Variants in MYO1F observed in about 807,000 individuals in gnomAD.
MYO1F encodes the protein myosin IF.
Under a neutral mutation model 146.6 loss-of-function variants are expected in MYO1F, and 60 were observed. The observed-to-expected ratio is 0.41, with a 90% CI of 0.33 to 0.51. MYO1F has a LOEUF of 0.51. MYO1F is among the 20% of genes least tolerant of loss of function. MYO1F has a pLI of 0.25. For missense variants in MYO1F, 1,274 were observed against 1,534.3 expected, an observed-to-expected ratio of 0.83 and a Z score of 2.83; for synonymous variants, 602 against 602.1, an observed-to-expected ratio of 1.00 and a Z score of 0.00.
At chr19:8,559,245 A>G (rs190644696) in intron 1 of MYO1F, among the ~76,000 whole-genome samples, 95 of 148,070 alleles carry the variant, frequency 6.4e-4, no homozygotes, top group African/African-American at 2.3e-3. Context: ...GCAGGGCACA[A>G]GCAGAAGTGT....
chr19:8,565,898 G>A (rs2041993301), intron 1 of MYO1F, among the ~76,000 whole-genome samples: 1 of 151,770 alleles, frequency 6.6e-6, no homozygotes, highest in Non-Finnish European at 1.5e-5. Context: ...AGACCAGCCT[G>A]GGCAACATAG....
chr19:8,555,861 G>A (rs1292400026), intron 1 of MYO1F, 65 bp from the exon 2 acceptor site: 15 of 1,503,026 alleles, frequency 1.0e-5, no homozygotes, highest in East Asian at 2.3e-5. Flanking sequence ...GCTCACCGAC[G>A]CTATCAGCTT....
rs975153717 is a variant in MYO1F, at chr19:8,529,913, G to A, written c.2328+283C>T. The A allele has an allele frequency of 5.2e-6, 3 of 579,938 alleles. No individual in the cohort carries two copies. The Admixed American group carries it at 8.4e-5, about 16-fold the overall frequency. 35.9% of individuals were successfully genotyped at this position (579,938 alleles called of 1,614,324 possible). A position where few individuals can be genotyped will look rare whatever the true frequency, so the allele number is the denominator to read the frequency against. The stretch of plus-strand genomic sequence containing the variant: ...GGGCAGGTGTGCCTGGGCTAGGTGA[G>A]GATATACCTGTGATGGAACAGATGG... On this transcript the variant is annotated intron_variant, in intron 21 of 27. Transcript: ENST00000644032.
intron 15 of MYO1F, 71 bp from the exon 16 acceptor site, chr19:8,540,099 G>T: frequency 7.7e-7 from 1 of 1,299,466 alleles, no homozygotes; most frequent in Non-Finnish European, 1.1e-6. Context: ...TCCAGGGGTG[G>T]GGCAGCCTCA....
At chr19:8,527,240 C>G in intron 22 of MYO1F, 98 bp downstream of exon 22, 1 of 1,523,512 alleles carries the variant, frequency 6.6e-7, no homozygotes, top group Non-Finnish European at 9.0e-7. Context: ...GGCATGGCAC[C>G]AGGTAAGATT....
chr19:8,561,396 T>TCCTTCCTTTCTCCTCTCCCTC (rs200512178), intron 1 of MYO1F, among the ~76,000 whole-genome samples: 125 of 107,560 alleles, frequency 1.2e-3, no homozygotes, highest in East Asian at 1.8e-3. Flanking sequence ...CTTCTTTCCT[T>TCCTTCCTTTCTCCTCTCCCTC]CCTTCCTTTC....
intron 1 of MYO1F, chr19:8,576,725 C>T (rs1394501353): frequency 3.1e-5 from 5 of 161,830 alleles, no homozygotes; most frequent in South Asian, 1.5e-4. Flanking sequence ...GCAGCCATAC[C>T]GCCCGTCACC....
intron 19 of MYO1F, among the ~76,000 whole-genome samples, chr19:8,533,349 T>C (rs1428228592): frequency 4.8e-5 from 7 of 145,028 alleles, no homozygotes; most frequent in Non-Finnish European, 7.5e-5. Context: ...CTTCTTCTTC[T>C]TCTTCTTCTT....
chr19:8,545,694 A>C lies in MYO1F; in HGVS notation c.1312T>G (p.Tyr438Asp), dbSNP rs374051040. The C allele has an allele frequency of 1.2e-6, 2 of 1,613,962 alleles. No homozygotes were observed. Among genetic ancestry groups the C allele is most frequent in the Non-Finnish European group, 1.7e-6 (2 of 1,179,990 alleles). ...QEGIRWTPIQ[Y>D]FNNKVVCDLI... ...TCACAGACGACCTTGTTGTTGAAGT[A>C]CTGGATTGGAGTCCAGCGGATGCCT... Residue 438 changes from tyrosine to aspartate, a missense_variant, in exon 13 of 28, where the codon TAC becomes GAC. By Grantham distance (160) the Tyr-to-Asp change is radical. Around this residue, in one of 2 missense-constraint regions of MYO1F, gnomAD observed 900 missense variants for 1,155.1 expected, o/e 0.78. Coordinates refer to ENST00000644032, the MANE Select transcript of MYO1F (RefSeq NM_012335.4).
chr19:8,566,161 C>CTTT (rs781059040), intron 1 of MYO1F, among the ~76,000 whole-genome samples: 129 of 78,352 alleles, frequency 1.6e-3, no homozygotes, highest in Non-Finnish European at 1.8e-3. Context: ...CAGTCTATGT[C>CTTT]TTTTTTTTTT....
chr19:8,522,802 G>T lies in MYO1F; in HGVS notation c.2882C>A (p.Ser961Tyr). 1 of 1,589,064 alleles carries T rather than the reference G, an allele frequency of 6.3e-7. No individual in the cohort carries two copies. ...CAGGGGCAGGGGGCCCCCTCTGGCA[G>T]AGGGGGGCACCCCATTGCGATCCAT... ...RGMDRNGVPP[S>Y]ARGGPLPLEI... The change falls in exon 26 of 28, where the codon TCT becomes TAT. Residue 961 changes from serine (S) to tyrosine (Y), a missense_variant. Ser to Tyr is a moderately radical substitution (Grantham distance 144). Around this residue, in one of 2 missense-constraint regions of MYO1F, gnomAD observed 374 missense variants for 379.2 expected, o/e 0.99. Coordinates refer to ENST00000644032, the MANE Select transcript of MYO1F (RefSeq NM_012335.4).
chr19:8,526,972 A>C, intron 22 of MYO1F, 37 bp from the exon 23 acceptor site: 1 of 1,610,756 alleles, frequency 6.2e-7, no homozygotes, highest in Non-Finnish European at 8.5e-7. Flanking sequence ...GGTGGGACAC[A>C]GGTGAGGGCG....
In MYO1F at chr19:8,574,633, CTTT is replaced by C. The variant is rs2042193605; in HGVS notation, c.3+2671_3+2673del. Reference sequence around the variant, plus strand: ...TCTTTCTTTCTTTCTTTCTTTCTTTCTTTCTTTCTTTCCTTTCTTTCTCTTTCT... The same window carrying C: ...TCTTTCTTTCTTTCTTTCTTTCTTTCCTTTCTTTCCTTTCTTTCTCTTTCT... On this transcript the variant is annotated intron_variant, in intron 1 of 27. Transcript: ENST00000644032. Among the ~76,000 whole-genome samples the C allele has an allele frequency of 1.2e-4, 5 of 42,542 alleles. No homozygotes were observed. In the South Asian group the frequency reaches 3.5e-3, roughly 30 times the overall value. The allele number at this position is 42,542 out of a possible 152,430, so 27.9% of individuals were successfully genotyped here.
intron 7 of MYO1F, 51 bp downstream of exon 7, chr19:8,551,982 C>G (rs746703051): frequency 3.1e-6 from 5 of 1,613,778 alleles, no homozygotes; most frequent in Admixed American, 1.7e-5. Flanking sequence ...CCATTGTCCA[C>G]CCCGCTGGGC....
chr19:8,563,085 G>A (rs902598795), intron 1 of MYO1F, among the ~76,000 whole-genome samples: 2 of 151,596 alleles, frequency 1.3e-5, no homozygotes, highest in African/African-American at 4.8e-5. Context: ...TCTGCCTCCC[G>A]GGTCCAAGTG....
chr19:8,541,179 A>G (rs2075636986), intron 15 of MYO1F, among the ~76,000 whole-genome samples: 1 of 151,966 alleles, frequency 6.6e-6, no homozygotes, highest in Non-Finnish European at 1.5e-5. Flanking sequence ...TTTTGCTGGC[A>G]GAGTAGACAA....
At chr19:8,554,248 C>T (rs555754564) in intron 4 of MYO1F, among the ~76,000 whole-genome samples, 30 of 152,288 alleles carry the variant, frequency 2.0e-4, no homozygotes, top group African/African-American at 6.0e-4. Flanking sequence ...TGAGCCACTA[C>T]ACCTGGCCTG....
intron 22 of MYO1F, 133 bp downstream of exon 22, chr19:8,527,205 C>T: frequency 7.9e-7 from 1 of 1,268,960 alleles, no homozygotes; most frequent in Non-Finnish European, 1.1e-6. Context: ...GTGAACATGA[C>T]AGGTGGGGCC....
intron 19 of MYO1F, among the ~76,000 whole-genome samples, chr19:8,534,028 A>G (rs184905160): frequency 5.3e-5 from 8 of 151,900 alleles, no homozygotes; most frequent in South Asian, 4.2e-4. Flanking sequence ...AAAACACAAA[A>G]ATTAGCCTGG....
Sources: allele counts gnomAD v4.1 joint callset (sites outside exome capture counted in the v4.1 genomes callset), GRCh38; gene constraint gnomAD v4.1.1; regional missense constraint gnomAD v4.1.1; transcripts MANE v1.5; gene names NCBI Gene and HGNC (gene_info 2026-07-23, HGNC 2026-07-21).